The following ZAN variants were observed in gnomAD, a reference collection of about 807,000 sequenced individuals.
ZAN encodes the protein zonadhesin (gene/pseudogene).
A neutral mutation model predicts 286.2 loss-of-function variants in ZAN; 260 were observed. The ratio of observed to expected loss-of-function variants is 0.91; its 90% CI spans 0.82 to 1.01. The LOEUF (loss-of-function observed/expected upper bound fraction) is 1.01. Ranked by LOEUF, ZAN falls within the 50% of genes least tolerant of loss-of-function variation. The probability of loss-of-function intolerance (pLI) is 0.00; values close to 1 mark genes in which losing one functional copy is unlikely to be tolerated. For missense variants in ZAN, 3,410 were observed against 3,639.2 expected, an observed-to-expected ratio of 0.94 and a Z score of 1.62; for synonymous variants, 1,368 against 1,417.5, an observed-to-expected ratio of 0.97 and a Z score of 0.79.
rs187035372 is a variant in ZAN, at chr7:100,779,724, C to T, written c.6596C>T (p.Pro2199Leu). Residue 2199 changes from proline to leucine, a missense_variant, in exon 35 of 48, where the codon CCA becomes CTA. Pro to Leu is a moderately conservative substitution (Grantham distance 98). Around this residue, in one of 7 missense-constraint regions of ZAN, gnomAD observed 1,289 missense variants for 1,314.3 expected, o/e 0.98. Coordinates refer to ENST00000613979, the MANE Select transcript of ZAN (RefSeq NM_003386.3). Reference protein sequence around the residue: ...ATCQSQGLKPPLWRNSSFCPL... With the variant: ...ATCQSQGLKPLLWRNSSFCPL... Reference sequence around the variant, plus strand: ...TGCCAGAGCCAGGGGCTCAAGCCCCCACTCTGGAGAAACAGCAGCTTCTGC... The same window carrying T: ...TGCCAGAGCCAGGGGCTCAAGCCCCTACTCTGGAGAAACAGCAGCTTCTGC... 17 of 1,555,366 alleles carry T rather than the reference C, an allele frequency of 1.1e-5. No individual in the cohort carries two copies. Among genetic ancestry groups the T allele is most frequent in the African/African-American group, 1.1e-4 (8 of 73,284 alleles).
chr7:100,761,415 G>A (rs1337449594), intron 19 of ZAN, among the ~76,000 whole-genome samples: 1 of 151,940 alleles, frequency 6.6e-6, no homozygotes, highest in Non-Finnish European at 1.5e-5. Flanking sequence ...CGAAGCAAGA[G>A]GATCACTTGA....
intron 7 of ZAN, among the ~76,000 whole-genome samples, chr7:100,744,729 G>T (rs1808064661): frequency 6.6e-6 from 1 of 151,588 alleles, no homozygotes; most frequent in Non-Finnish European, 1.5e-5. Context: ...GCGCCCAGCA[G>T]CTTCAGTAAA....
chr7:100,777,663 C>T (rs1810911349), intron 34 of ZAN, among the ~76,000 whole-genome samples: 2 of 152,084 alleles, frequency 1.3e-5, no homozygotes, highest in African/African-American at 2.4e-5. Flanking sequence ...TGCCTGGCCA[C>T]CCCTCCAGCT....
rs764491935 is a variant in ZAN, at chr7:100,736,944, C to T, written c.389C>T (p.Ala130Val). Residue 130 changes from alanine to valine, a missense_variant, in exon 5 of 48, where the codon GCC becomes GTC. Physicochemically the swap from Ala to Val is moderately conservative, Grantham distance 64. Around this residue, in one of 7 missense-constraint regions of ZAN, gnomAD observed 872 missense variants for 938.9 expected, o/e 0.93. Coordinates refer to ENST00000613979, the MANE Select transcript of ZAN (RefSeq NM_003386.3). Reference protein sequence around the residue: ...AHHMFGLSWGAQLRLLLLSGE... With the variant: ...AHHMFGLSWGVQLRLLLLSGE... ...CACATGTTCGGGCTGTCTTGGGGCG[C>T]CCAGCTCAGGCTGCTGCTGCTCTCG... is the stretch of plus-strand genomic sequence containing the variant. The T allele has an allele frequency of 1.3e-6, 2 of 1,502,640 alleles. No individual in the cohort carries two copies. Among genetic ancestry groups the T allele is most frequent in the South Asian group, 1.2e-5 (1 of 86,206 alleles). The allele number at this position is 1,502,640 out of a possible 1,614,324, so 93.1% of individuals were successfully genotyped here.
At chr7:100,772,137 A>C (rs1208907969) in intron 29 of ZAN, 117 bp downstream of exon 29, 4 of 1,290,774 alleles carry the variant, frequency 3.1e-6, no homozygotes, top group Admixed American at 2.9e-5. Flanking sequence ...TCTGTTGCCC[A>C]GGCTGGAGTG....
At chr7:100,738,864 C>G (rs1465489) in intron 7 of ZAN, among the ~76,000 whole-genome samples, 1 of 79,278 alleles carries the variant, frequency 1.3e-5, no homozygotes. Flanking sequence ...CTTTCTCTTC[C>G]TCTTCTTCTT....
rs1397711139 is a variant in ZAN, at chr7:100,751,982, C to A, written c.1877C>A (p.Pro626His). 1 of 1,612,866 alleles carries A rather than the reference C, an allele frequency of 6.2e-7. No homozygotes were observed. The highest frequency in any genetic ancestry group is 8.5e-7 in the Non-Finnish European group (1 of 1,179,544). ...SEKPTIPSEK[P>H]TILTEKPTIP... ...AAACCCACCATTCCCTCAGAAAAAC[C>A]CACCATCCTCACAGAAAAACCCACC... Residue 626 changes from proline (P) to histidine (H), a missense_variant, in exon 14 of 48, where the codon CCC (proline) becomes CAC (histidine). Coordinates refer to ENST00000613979, the MANE Select transcript of ZAN (RefSeq NM_003386.3).
chr7:100,784,958 G>C, intron 36 of ZAN, 124 bp downstream of exon 36: 1 of 1,109,974 alleles, frequency 9.0e-7, no homozygotes, highest in Non-Finnish European at 1.2e-6. Context: ...TGTGAAGGCT[G>C]GTGTGAGTGG....
chr7:100,765,364 C>T lies in ZAN; in HGVS notation c.4280C>T (p.Pro1427Leu), dbSNP rs778229352. ...CTCCCTCCACCAGCAATGGCCTGCC[C>T]GCCCAACAGCAAGTACTCCCTGTGT... ...REPHFCPMAC[P>L]PNSKYSLCAK... The change falls in exon 23 of 48, where the codon CCG becomes CTG. Residue 1427 changes from proline (P) to leucine (L), a missense_variant. Physicochemically the swap from Pro to Leu is moderately conservative, Grantham distance 98 (BLOSUM62 -3). Coordinates refer to ENST00000613979, the MANE Select transcript of ZAN (RefSeq NM_003386.3). 24 of 1,613,732 alleles carry T rather than the reference C, an allele frequency of 1.5e-5. No individual in the cohort carries two copies. The highest frequency in any genetic ancestry group is 4.0e-5 in the African/African-American group (3 of 74,940).
chr7:100,738,871 T>C (rs150258611), intron 7 of ZAN, among the ~76,000 whole-genome samples: 1,087 of 23,684 alleles, frequency 0.046, 101 homozygotes, highest in Middle Eastern at 0.17. Context: ...TTCCTCTTCT[T>C]CTTCTCCCTC....
At chr7:100,786,319 G>C (rs749450727) in intron 37 of ZAN, among the ~76,000 whole-genome samples, 178 bp downstream of exon 37, 1 of 152,210 alleles carries the variant, frequency 6.6e-6, no homozygotes, top group Non-Finnish European at 1.5e-5. Flanking sequence ...CTGTGGCCAT[G>C]TGCCAGGTCC....
chr7:100,737,752 A>G (rs1444201710), intron 6 of ZAN, among the ~76,000 whole-genome samples: 2 of 137,186 alleles, frequency 1.5e-5, no homozygotes. Context: ...AGCTGGCTGT[A>G]TTGGGTCTGC....
At chr7:100,760,615 C>A in intron 19 of ZAN, 79 bp downstream of exon 19, 1 of 1,546,334 alleles carries the variant, frequency 6.5e-7, no homozygotes, top group East Asian at 2.4e-5. Flanking sequence ...TGCTGCCCAC[C>A]CTGCCCACTC....
intron 34 of ZAN, among the ~76,000 whole-genome samples, chr7:100,777,450 G>A (rs1223014830): frequency 6.6e-6 from 1 of 152,080 alleles, no homozygotes; most frequent in Non-Finnish European, 1.5e-5. Context: ...TGCTTCCGGG[G>A]TTCAAGCAAT....
Position 100,750,665 on chromosome 7 carries a change from G to A in ZAN, c.1290G>A (p.Gln430=). 3 of 1,613,442 alleles carry A rather than the reference G, an allele frequency of 1.9e-6. No homozygotes were observed. The highest frequency in any genetic ancestry group is 2.5e-6 in the Non-Finnish European group (3 of 1,179,734). ...YIYLEADEFS[Q]AGQSVRLVSR... The stretch of plus-strand genomic sequence containing the variant: ...ACCTTGAGGCTGACGAGTTCTCCCA[G>A]GCAGGCCAGTCAGTCAGACTGGTGA... The change falls in exon 12 of 48, where the codon CAG becomes CAA. Residue 430 remains glutamine, a synonymous_variant. Transcript: ENST00000613979.
intron 31 of ZAN, among the ~76,000 whole-genome samples, chr7:100,774,699 G>C (rs1810627095): frequency 6.6e-6 from 1 of 151,566 alleles, no homozygotes; most frequent in Admixed American, 6.6e-5. Context: ...GGTACTTTAT[G>C]CCTGTAGTCC....
At position 100,758,290 on chromosome 7, in the gene ZAN, G is replaced by C; in HGVS notation, c.3398G>C (p.Gly1133Ala). 1 of 1,613,322 alleles carries C rather than the reference G, an allele frequency of 6.2e-7. No individual in the cohort carries two copies. The highest frequency in any genetic ancestry group is 1.1e-5 in the South Asian group (1 of 91,078). Residue 1133 changes from glycine to alanine, a missense_variant, in exon 16 of 48, where the codon GGG (glycine) becomes GCG (alanine). Gly to Ala is a moderately conservative substitution (Grantham distance 60). Transcript: ENST00000613979. ...SRVECQISQCGTHTVCQLKNG... is the reference protein window; with the variant it reads ...SRVECQISQCATHTVCQLKNG... ...GTCGAGTGCCAGATCTCTCAGTGTGGGACACACACCGTGTGCCAGCTTAAG... is the reference window on the plus strand; with the variant it reads ...GTCGAGTGCCAGATCTCTCAGTGTGCGACACACACCGTGTGCCAGCTTAAG...
chr7:100,766,771 A>G, intron 24 of ZAN, 105 bp downstream of exon 24: 10 of 1,459,160 alleles, frequency 6.9e-6, no homozygotes, highest in Non-Finnish European at 9.1e-6. Context: ...AGTCTCCACC[A>G]GGGCCTGGGA....
Position 100,745,042 on chromosome 7 carries a change from C to T in ZAN, c.767-1496C>T, listed in dbSNP as rs1413740917. Among the ~76,000 whole-genome samples, 2 of 151,540 alleles carry T rather than the reference C, an allele frequency of 1.3e-5. 1 individual carries two copies. Among genetic ancestry groups the T allele is most frequent in the African/African-American group, 4.9e-5 (2 of 41,134 alleles). ...GGGATTACAGATGCCCGCCACCACG[C>T]CCGGCTAATTTTTGTACTTTTAGTA... On this transcript the variant is annotated intron_variant, in intron 7 of 47. Coordinates refer to ENST00000613979, the MANE Select transcript of ZAN (RefSeq NM_003386.3).
Sources: allele counts gnomAD v4.1 joint callset (sites outside exome capture counted in the v4.1 genomes callset), GRCh38; gene constraint gnomAD v4.1.1; regional missense constraint gnomAD v4.1.1; transcripts MANE v1.5; gene names NCBI Gene and HGNC (gene_info 2026-07-23, HGNC 2026-07-21).